PAPPA: variants seen among roughly 807,000 people sequenced by gnomAD.
The protein encoded by PAPPA is pappalysin-1.
A neutral mutation model predicts 164.0 loss-of-function variants in PAPPA; 60 were observed. That is an observed-to-expected ratio of 0.37 (90% CI 0.30 to 0.45). The LOEUF (loss-of-function observed/expected upper bound fraction) is 0.45, where lower values mean the gene tolerates loss of function less well. Among genes scored for constraint, PAPPA ranks in the 20% least tolerant of loss-of-function variants. PAPPA has a pLI of 1.00. For missense variants in PAPPA, 1,782 were observed against 2,087.3 expected (o/e 0.85, Z 2.85); for synonymous variants, 875 against 814.1 (o/e 1.07, Z -1.27).
rs1345665686 is a variant in PAPPA at position 116,233,632 on chromosome 9, C to T, written c.2234-1507C>T. Among the ~76,000 whole-genome samples the T allele has an allele frequency of 7.2e-5, 11 of 152,244 alleles. 1 individual carries two copies. Among genetic ancestry groups the T allele is most frequent in the Middle Eastern group, 3.4e-3 (1 of 294 alleles). On this transcript the variant is annotated intron_variant, in intron 6 of 21. Transcript: ENST00000328252. ...TTCTCACCCCTCCTTCTCTTTTCCT[C>T]TTCTCTTCTCCATCTCCACTTGGTG...
intron 1 of PAPPA, among the ~76,000 whole-genome samples, chr9:116,177,884 CT>C (rs1564174736): frequency 1.3e-5 from 2 of 152,192 alleles, no homozygotes; most frequent in Non-Finnish European, 2.9e-5. Context: ...TCTCCTTGAT[CT>C]TTTTTTCTTG....
chr9:116,214,755 G>T (rs1294316482), intron 4 of PAPPA, among the ~76,000 whole-genome samples: 1 of 152,164 alleles, frequency 6.6e-6, no homozygotes, highest in Middle Eastern at 3.2e-3. Flanking sequence ...GGACACTCTG[G>T]TCCTCAAAAC....
chr9:116,323,322 C>T (rs969209083), intron 10 of PAPPA, among the ~76,000 whole-genome samples: 6 of 152,094 alleles, frequency 3.9e-5, no homozygotes, highest in South Asian at 2.1e-4. Flanking sequence ...AGACCTGGAA[C>T]GCCTAGTCAC....
intron 9 of PAPPA, among the ~76,000 whole-genome samples, chr9:116,273,114 G>A (rs1293081946): frequency 6.6e-6 from 1 of 152,142 alleles, no homozygotes; most frequent in Non-Finnish European, 1.5e-5. Flanking sequence ...GCACTAATGT[G>A]GCATGTAATT....
At chr9:116,266,447 A>G (rs1199018623) in intron 8 of PAPPA, among the ~76,000 whole-genome samples, 1 of 152,240 alleles carries the variant, frequency 6.6e-6, no homozygotes, top group East Asian at 1.9e-4. Flanking sequence ...ATTATACAAC[A>G]ATTTACAAAA....
At chr9:116,331,417 T>C in intron 11 of PAPPA, 60 bp downstream of exon 11, 2 of 974,564 alleles carry the variant, frequency 2.1e-6, no homozygotes, top group Non-Finnish European at 3.3e-6. Flanking sequence ...AAACACTGAC[T>C]CCCATGACCC....
At chr9:116,212,399 C>A (rs1396658388) in intron 4 of PAPPA, among the ~76,000 whole-genome samples, 1 of 152,058 alleles carries the variant, frequency 6.6e-6, no homozygotes, top group Admixed American at 6.6e-5. Context: ...TTAGGGGATG[C>A]CCTGCACTTC....
chr9:116,309,111 C>T (rs961684499), intron 10 of PAPPA, among the ~76,000 whole-genome samples: 6 of 151,548 alleles, frequency 4.0e-5, no homozygotes, highest in South Asian at 2.1e-4. Flanking sequence ...AGTCTCACTC[C>T]GTCCTCCAGG....
Position 116,211,875 on chromosome 9 carries a change from A to G in PAPPA, c.1861A>G (p.Thr621Ala). The G allele has an allele frequency of 6.2e-7, 1 of 1,613,988 alleles. No homozygotes were observed. Among genetic ancestry groups the G allele is most frequent in the South Asian group, 1.1e-5 (1 of 91,076 alleles). ...TGGTGACCCAGGGCCAGGAAATGACACCTGTGGCTTTCATAGCTTCTTCAA... is the reference window on the plus strand; with the variant it reads ...TGGTGACCCAGGGCCAGGAAATGACGCCTGTGGCTTTCATAGCTTCTTCAA... ...SCGDPGPGND[T>A]CGFHSFFNTP... Residue 621 changes from threonine to alanine, a missense_variant, in exon 4 of 22, where the codon ACC (threonine) becomes GCC (alanine). Thr to Ala is a moderately conservative substitution (Grantham distance 58). Around this residue, in one of 2 missense-constraint regions of PAPPA, gnomAD observed 1,324 missense variants for 1,656.9 expected, o/e 0.80. Coordinates refer to ENST00000328252, the MANE Select transcript of PAPPA (RefSeq NM_002581.5).
chr9:116,368,027 G>A (rs1254682359), intron 19 of PAPPA, among the ~76,000 whole-genome samples: 1 of 152,156 alleles, frequency 6.6e-6, no homozygotes, highest in Non-Finnish European at 1.5e-5. Flanking sequence ...ACTAAATGCT[G>A]ATGTCAGCCT....
In PAPPA at chr9:116,382,317, A is replaced by G. The variant is rs1377439544; in HGVS notation, c.4678-78A>G. 5 of 866,606 alleles carry G rather than the reference A, an allele frequency of 5.8e-6. No homozygotes were observed. In the African/African-American group the frequency reaches 8.2e-5, roughly 14 times the overall value. 53.7% of individuals were successfully genotyped at this position (866,606 alleles called of 1,614,324 possible). On this transcript the variant is annotated intron_variant, in intron 20 of 21. Transcript: ENST00000328252. ...GCTGTGAAAAGATGACAGACACCCG[A>G]AGGACTGCAGACGTCAGCTCCCACT...
intron 20 of PAPPA, 70 bp downstream of exon 20, chr9:116,377,717 T>C (rs1348709301): frequency 2.5e-6 from 3 of 1,193,972 alleles, no homozygotes; most frequent in Non-Finnish European, 3.7e-6. Flanking sequence ...TATTGTTATA[T>C]TAATGTTGGC....
intron 9 of PAPPA, among the ~76,000 whole-genome samples, chr9:116,278,141 A>G (rs779564391): frequency 2.0e-5 from 3 of 152,222 alleles, no homozygotes; most frequent in Admixed American, 2.0e-4. Flanking sequence ...CAGAGTCTAC[A>G]CATTTTAACC....
intron 15 of PAPPA, among the ~76,000 whole-genome samples, chr9:116,350,486 A>G (rs1846267234): frequency 1.3e-5 from 2 of 152,182 alleles, no homozygotes; most frequent in African/African-American, 4.8e-5. Context: ...CCTCTTCCAG[A>G]AAGCACATTT....
chr9:116,254,705 C>T (rs1844903065), intron 7 of PAPPA, among the ~76,000 whole-genome samples: 1 of 149,526 alleles, frequency 6.7e-6, no homozygotes, highest in African/African-American at 2.5e-5. Context: ...TGGCGTGAAC[C>T]TGGGAGGCGG....
intron 7 of PAPPA, among the ~76,000 whole-genome samples, chr9:116,245,205 C>T (rs1177200382): frequency 2.0e-5 from 3 of 151,956 alleles, no homozygotes; most frequent in Non-Finnish European, 4.4e-5. Flanking sequence ...ACTTAAGGGG[C>T]ACAATGTACA....
rs1031356562 is a variant in PAPPA at position 116,291,370 on chromosome 9, T to A, written c.2954-11387T>A. Among the ~76,000 whole-genome samples the A allele has an allele frequency of 3.9e-5, 6 of 152,284 alleles. No homozygotes were observed. In the South Asian group the frequency reaches 1.2e-3, roughly 32 times the overall value. ...AAAATATATTGTGGGACAATTTGTG[T>A]AGAATTGGATTTTCCCCCTAATATG... On this transcript the variant is annotated intron_variant, in intron 9 of 21. Transcript: ENST00000328252.
At position 116,334,631 on chromosome 9, in the gene PAPPA, G is replaced by A. The variant is rs144446104; in HGVS notation, c.3398-230G>A. ...GAGGGACTTTGGGCAGTAGGTGAAG[G>A]GGAAGCTTAGGGGGCAGGGAGGCAG... On this transcript the variant is annotated intron_variant, in intron 12 of 21. Coordinates refer to ENST00000328252, the MANE Select transcript of PAPPA (RefSeq NM_002581.5). 5.8e-3 allele frequency among the ~76,000 whole-genome samples: 889 copies of A among 152,150 alleles called. 3 individuals carry two copies. Among genetic ancestry groups the A allele is most frequent in the Non-Finnish European group, 9.0e-3 (610 of 68,004 alleles).
chr9:116,363,815 G>A (rs1320775211), intron 18 of PAPPA, among the ~76,000 whole-genome samples: 1 of 152,210 alleles, frequency 6.6e-6, no homozygotes, highest in East Asian at 1.9e-4. Context: ...GAAGGTTCAT[G>A]GGGACTGTCC....
Sources: gnomAD v4.1 joint callset for allele counts (sites outside exome capture counted in the v4.1 genomes callset) on GRCh38, gnomAD v4.1.1 for gene constraint, gnomAD v4.1.1 regional missense constraint, MANE v1.5 for transcripts, NCBI Gene and HGNC (gene_info 2026-07-23, HGNC 2026-07-21) for gene names.